Variants in KHDC1 observed in about 807,000 individuals in gnomAD.
KHDC1 encodes the protein KH domain containing 1, also known as KH homology domain-containing protein 1.
In KHDC1, 21 loss-of-function variants were observed where a neutral mutation model predicts 24.7. The ratio of observed to expected loss-of-function variants is 0.85; its 90% CI spans 0.60 to 1.23. KHDC1 has a LOEUF of 1.23. KHDC1 is among the 50% of genes most tolerant of loss of function. The probability of loss-of-function intolerance (pLI) is 0.00; values close to 1 mark genes in which losing one functional copy is unlikely to be tolerated. For missense variants in KHDC1, 274 were observed against 298.5 expected (o/e 0.92, Z 0.61); for synonymous variants, 98 against 111.7 (o/e 0.88, Z 0.77).
intron 1 of KHDC1, chr6:73,309,490 TCGCCTTTC>T: frequency 6.9e-7 from 1 of 1,453,048 alleles, no homozygotes. Flanking sequence ...GAAGCGAAAC[TCGCCTTTC>T]CGGGCACCTG....
intron 2 of KHDC1, among the ~76,000 whole-genome samples, chr6:73,249,454 C>G (rs1326839837): frequency 6.6e-6 from 1 of 152,158 alleles, no homozygotes; most frequent in South Asian, 2.1e-4. Flanking sequence ...ACCACAAATA[C>G]AGAGTCAGAG....
At chr6:73,301,479 C>A (rs935055040) in intron 1 of KHDC1, 1 of 152,040 alleles carries the variant, frequency 6.6e-6, no homozygotes, top group Non-Finnish European at 1.5e-5. Flanking sequence ...TTCCTAGCGA[C>A]GGAATTGTGT....
chr6:73,249,611 C>A (rs1173540477), intron 2 of KHDC1, among the ~76,000 whole-genome samples: 1 of 152,172 alleles, frequency 6.6e-6, no homozygotes, highest in Non-Finnish European at 1.5e-5. Context: ...AGCGCACACA[C>A]ACAGGAAGGA....
At chr6:73,245,341 T>C (rs766481594) in intron 2 of KHDC1, among the ~76,000 whole-genome samples, 3 of 152,222 alleles carry the variant, frequency 2.0e-5, no homozygotes, top group Non-Finnish European at 4.4e-5. Context: ...TTTTTAGAAG[T>C]CTTTTCCAAA....
chr6:73,287,038 A>G (rs2150704442), intron 2 of KHDC1, among the ~76,000 whole-genome samples: 1 of 152,304 alleles, frequency 6.6e-6, no homozygotes, highest in South Asian at 2.1e-4. Flanking sequence ...AATTGTAGCA[A>G]AAGGTAGATG....
chr6:73,298,496 C>T (rs567519176), intron 1 of KHDC1, among the ~76,000 whole-genome samples: 16,619 of 118,306 alleles, frequency 0.14, 1,551 homozygotes, highest in African/African-American at 0.25. Context: ...AGTGCAGTGT[C>T]GCAATCTTGG....
Position 73,241,660 on chromosome 6 carries a change from C to G in KHDC1, c.583G>C (p.Val195Leu), listed in dbSNP as rs200762693. ...GACAGGTCTCCAGTGTATGGTGGCA[C>G]ACTAATGGAGGTGACCAGGTCATCG... The change falls in exon 5 of 5, where the codon GTG becomes CTG. Residue 195 changes from valine (V) to leucine (L), a missense_variant. Val to Leu is a conservative substitution (Grantham distance 32, BLOSUM62 1). Coordinates refer to ENST00000370384, the Ensembl canonical transcript of KHDC1. The G allele has an allele frequency of 8.9e-5, 143 of 1,614,164 alleles. 1 individual carries two copies. Among genetic ancestry groups the G allele is most frequent in the Middle Eastern group, 3.3e-4 (2 of 6,060 alleles).
intron 2 of KHDC1, among the ~76,000 whole-genome samples, chr6:73,272,491 G>A (rs982040708): frequency 6.6e-6 from 1 of 151,898 alleles, no homozygotes; most frequent in African/African-American, 2.4e-5. Flanking sequence ...AAGCCAGGTA[G>A]AAGGCCAGAC....
At chr6:73,279,096 A>C (rs1767355897) in intron 2 of KHDC1, among the ~76,000 whole-genome samples, 1 of 152,194 alleles carries the variant, frequency 6.6e-6, no homozygotes, top group Admixed American at 6.5e-5. Flanking sequence ...TAATTAATGC[A>C]TGTGGTATTA....
At chr6:73,254,630 T>C (rs1481143774) in intron 2 of KHDC1, among the ~76,000 whole-genome samples, 1 of 152,090 alleles carries the variant, frequency 6.6e-6, no homozygotes, top group Non-Finnish European at 1.5e-5. Flanking sequence ...TGTATGATGC[T>C]ATCTATACAG....
chr6:73,250,694 C>T (rs145005380), intron 2 of KHDC1, among the ~76,000 whole-genome samples: 148 of 152,282 alleles, frequency 9.7e-4, no homozygotes, highest in Non-Finnish European at 1.1e-3. Context: ...TGATTGATTG[C>T]GCTCAGCAGT....
intron 2 of KHDC1, among the ~76,000 whole-genome samples, chr6:73,282,624 C>G (rs1767435817): frequency 6.6e-6 from 1 of 152,120 alleles, no homozygotes. Flanking sequence ...AAGATTCAGA[C>G]CCTCCCTAAA....
At chr6:73,302,549 T>G (rs1377036103) in intron 1 of KHDC1, among the ~76,000 whole-genome samples, 2 of 152,200 alleles carry the variant, frequency 1.3e-5, no homozygotes, top group African/African-American at 4.8e-5. Flanking sequence ...TGTAATACAA[T>G]GGGTAGTACT....
Position 73,250,197 on chromosome 6 carries a change from A to T in KHDC1, c.207-7667T>A, listed in dbSNP as rs1021461796. On this transcript the variant is annotated intron_variant, in intron 2 of 4. Coordinates refer to ENST00000370384, the Ensembl canonical transcript of KHDC1. Reference sequence around the variant, plus strand: ...CACAGATGATGTCAAAATATAGAAAAATAGAACCCTGTTTAGTGCTGATGG... The same window carrying T: ...CACAGATGATGTCAAAATATAGAAATATAGAACCCTGTTTAGTGCTGATGG... Among the ~76,000 whole-genome samples the T allele has an allele frequency of 2.6e-5, 4 of 152,290 alleles. No individual in the cohort carries two copies. The East Asian group carries it at 7.7e-4, about 29-fold the overall frequency.
At chr6:73,295,838 T>C (rs1767748460) in intron 1 of KHDC1, among the ~76,000 whole-genome samples, 1 of 136,496 alleles carries the variant, frequency 7.3e-6, no homozygotes. Context: ...AGAGTGATAC[T>C]CCATCTCAAA....
chr6:73,296,508 T>C (rs971440663), intron 1 of KHDC1, among the ~76,000 whole-genome samples: 1 of 152,174 alleles, frequency 6.6e-6, no homozygotes, highest in South Asian at 2.1e-4. Flanking sequence ...CCTTAAATGC[T>C]TCTAACACTG....
rs372417178 is a variant in KHDC1 at position 73,289,689 on chromosome 6, C to T, written c.206+2309G>A. Among the ~76,000 whole-genome samples, 453 of 151,896 alleles carry T rather than the reference C, an allele frequency of 3.0e-3. 4 individuals are homozygous for T. The highest frequency in any genetic ancestry group is 0.01 in the African/African-American group (422 of 41,458). On this transcript the variant is annotated intron_variant, in intron 2 of 4. Transcript: ENST00000370384. ...AAAAAAGAAAAAAAACGGCCAGGCA[C>T]TGTGACTCACACCTGTAATTCCAGC...
At chr6:73,262,793 C>A in intron 2 of KHDC1, 1 of 985,546 alleles carries the variant, frequency 1.0e-6, no homozygotes, top group Non-Finnish European at 1.2e-6. Context: ...TGCTCTCTTG[C>A]AGACACGCAA....
At chr6:73,280,235 CA>C (rs1747284912) in intron 2 of KHDC1, among the ~76,000 whole-genome samples, 1 of 152,186 alleles carries the variant, frequency 6.6e-6, no homozygotes. Context: ...CAACTCACTA[CA>C]GCCTCTACCT....
Sources: gnomAD v4.1 joint callset for allele counts (sites outside exome capture counted in the v4.1 genomes callset) on GRCh38, gnomAD v4.1.1 for gene constraint, MANE v1.5 for transcripts, NCBI Gene and HGNC (gene_info 2026-07-23, HGNC 2026-07-21) for gene names.